The following ITGA1 variants were observed in gnomAD, a reference collection of about 807,000 sequenced individuals.
ITGA1 encodes integrin subunit alpha 1, also known as integrin alpha-1.
A neutral mutation model predicts 145.9 loss-of-function variants in ITGA1; 85 were observed. That is an observed-to-expected ratio of 0.58 (90% CI 0.49 to 0.70). The LOEUF (loss-of-function observed/expected upper bound fraction) is 0.70. ITGA1 is among the 30% of genes least tolerant of loss of function. The pLI, the probability that ITGA1 is intolerant of heterozygous loss-of-function variation, is 0.00. For missense variants in ITGA1, 1,351 were observed against 1,418.7 expected (o/e 0.95, Z 0.77); for synonymous variants, 520 against 495.3 (o/e 1.05, Z -0.66).
chr5:52,866,028 T>TTTTTCG (rs1749682090), intron 6 of ITGA1, among the ~76,000 whole-genome samples: 1 of 127,352 alleles, frequency 7.9e-6, no homozygotes, highest in African/African-American at 3.1e-5. Context: ...TTTCTTTTTC[T>TTTTTCG]TTTTTAGACA....
In ITGA1 at chr5:52,945,005, G is replaced by A; in HGVS notation, c.3348G>A (p.Leu1116=). The A allele has an allele frequency of 6.2e-7, 1 of 1,613,098 alleles. No individual in the cohort carries two copies. The highest frequency in any genetic ancestry group is 8.5e-7 in the Non-Finnish European group (1 of 1,179,550). The change falls in exon 27 of 29, where the codon CTG becomes CTA. Residue 1116 remains leucine, a synonymous_variant. Coordinates refer to ENST00000282588, the MANE Select transcript of ITGA1 (RefSeq NM_181501.2). ...RGELRSENAS[L]VLSSSNQKRE... is the part of the protein sequence containing the mutation. ...AACTTCGGAGTGAAAATGCATCTCT[G>A]GTTTTAAGTAGCAGCAATCAAAAAA...
Position 52,925,494 on chromosome 5 carries a change from T to A in ITGA1, c.2613+7T>A, listed in dbSNP as rs1750792126. The stretch of plus-strand genomic sequence containing the variant: ...AGTTTTTTCAGGAATTGAGGTAAAC[T>A]TCCAGTTTTTCATTTATTTGTTCTC... On this transcript the variant is annotated splice_region_variant and intron_variant, in intron 19 of 28. Transcript: ENST00000282588. 6.3e-7 allele frequency: 1 copy of A among 1,591,280 alleles called. No individual in the cohort carries two copies. Among genetic ancestry groups the A allele is most frequent in the South Asian group, 1.1e-5 (1 of 90,492 alleles).
In ITGA1 at chr5:52,939,613, C is replaced by G. The variant is rs780383868; in HGVS notation, c.3102C>G (p.Ile1034Met). 1.2e-6 allele frequency: 2 copies of G among 1,612,300 alleles called. No homozygotes were observed. The highest frequency in any genetic ancestry group is 1.7e-6 in the Non-Finnish European group (2 of 1,178,470). Residue 1034 changes from isoleucine (I) to methionine (M), a missense_variant, in exon 25 of 29, where the codon ATC becomes ATG. Coordinates refer to ENST00000282588, the MANE Select transcript of ITGA1 (RefSeq NM_181501.2). The part of the protein sequence containing the change: ...SSENANCRPH[I>M]FEDPFSINSG... The stretch of plus-strand genomic sequence containing the variant: ...AGAATGCAAACTGCAGACCCCATAT[C>G]TTTGAGGATCCTTTCAGTATCAACT...
At chr5:52,798,506 C>T (rs184868863) in intron 1 of ITGA1, among the ~76,000 whole-genome samples, 126 of 152,126 alleles carry the variant, frequency 8.3e-4, no homozygotes, top group Non-Finnish European at 1.2e-3. Flanking sequence ...AAATTAAGGA[C>T]GTGCGCGGGG....
intron 2 of ITGA1, among the ~76,000 whole-genome samples, chr5:52,851,526 C>G (rs1749431910): frequency 6.6e-6 from 1 of 152,096 alleles, no homozygotes; most frequent in South Asian, 2.1e-4. Context: ...GTTATTCTAT[C>G]TTTGTAGAAA....
chr5:52,849,153 A>G (rs1749386551), intron 1 of ITGA1, among the ~76,000 whole-genome samples: 1 of 152,180 alleles, frequency 6.6e-6, no homozygotes, highest in African/African-American at 2.4e-5. Flanking sequence ...GAATCGCCAC[A>G]CTGTCTTCCA....
intron 27 of ITGA1, among the ~76,000 whole-genome samples, 181 bp from the exon 28 acceptor site, chr5:52,947,164 T>C (rs375091193): frequency 2.6e-5 from 4 of 151,942 alleles, no homozygotes; most frequent in African/African-American, 9.6e-5. Context: ...TAATAATAAA[T>C]TTGACATAGT....
Position 52,915,291 on chromosome 5 carries a change from C to T in ITGA1, c.1858-173C>T, listed in dbSNP as rs557626433. Among the ~76,000 whole-genome samples, 6 of 152,304 alleles carry T rather than the reference C, an allele frequency of 3.9e-5. No individual in the cohort carries two copies. In the South Asian group the frequency reaches 1.0e-3, roughly 26 times the overall value. ...GTCTGTACTATAAAAACAGCAATAT[C>T]CTCTGGGAACATCTGAGTATTTCCT... On this transcript the variant is annotated intron_variant, in intron 14 of 28. Coordinates refer to ENST00000282588, the MANE Select transcript of ITGA1 (RefSeq NM_181501.2).
intron 18 of ITGA1, among the ~76,000 whole-genome samples, chr5:52,924,058 G>T (rs1750767920): frequency 6.6e-6 from 1 of 152,206 alleles, no homozygotes; most frequent in South Asian, 2.1e-4. Flanking sequence ...GGAGTGAGGG[G>T]AGAGAAGAGG....
intron 1 of ITGA1, among the ~76,000 whole-genome samples, chr5:52,818,368 C>G (rs560976872): frequency 6.6e-6 from 1 of 152,104 alleles, no homozygotes; most frequent in Non-Finnish European, 1.5e-5. Context: ...TACTGTTTTT[C>G]TGTGATAGAC....
At chr5:52,803,520 G>A (rs1748530188) in intron 1 of ITGA1, 1 of 152,128 alleles carries the variant, frequency 6.6e-6, no homozygotes, top group African/African-American at 2.4e-5. Flanking sequence ...ACCAATACAT[G>A]TTAGGCCATA....
chr5:52,842,780 G>T (rs1382071763), intron 1 of ITGA1, among the ~76,000 whole-genome samples: 1 of 151,348 alleles, frequency 6.6e-6, no homozygotes, highest in African/African-American at 2.4e-5. Flanking sequence ...CTGCCTCCCA[G>T]GTTCAAGCAA....
chr5:52,849,978 T>C (rs936665682), intron 2 of ITGA1, among the ~76,000 whole-genome samples: 2 of 151,608 alleles, frequency 1.3e-5, no homozygotes, highest in African/African-American at 4.9e-5. Context: ...CCCTTTAATA[T>C]TGGTTAAGTT....
chr5:52,893,688 A>G lies in ITGA1; in HGVS notation c.938A>G (p.Tyr313Cys), dbSNP rs778493747. 5 of 1,612,346 alleles carry G rather than the reference A, an allele frequency of 3.1e-6. No homozygotes were observed. Among genetic ancestry groups the G allele is most frequent in the Non-Finnish European group, 4.2e-6 (5 of 1,178,898 alleles). The stretch of plus-strand genomic sequence containing the variant: ...GTTGTGTCTTAGATTCTTGGCAGCT[A>G]TAACCGAGGAAATTTAAGCACTGAA... ...QRFSIAILGS[Y>C]NRGNLSTEKF... Residue 313 changes from tyrosine to cysteine, a missense_variant, in exon 9 of 29, where the codon TAT becomes TGT. Coordinates refer to ENST00000282588, the MANE Select transcript of ITGA1 (RefSeq NM_181501.2).
rs115465721 is a variant in ITGA1 at position 52,853,043 on chromosome 5, T to C, written c.182+3558T>C. ...TATCTTTGTGGTAGGTACCAGACTT[T>C]ACATATTAATATGTGTGTAAGTTTG... On this transcript the variant is annotated intron_variant, in intron 2 of 28. Coordinates refer to ENST00000282588, the MANE Select transcript of ITGA1 (RefSeq NM_181501.2). Among the ~76,000 whole-genome samples, 721 of 152,294 alleles carry C rather than the reference T, an allele frequency of 4.7e-3. 7 individuals carry two copies. Among genetic ancestry groups the C allele is most frequent in the African/African-American group, 0.017 (699 of 41,546 alleles).
At chr5:52,845,582 A>G (rs993325427) in intron 1 of ITGA1, among the ~76,000 whole-genome samples, 17 of 152,136 alleles carry the variant, frequency 1.1e-4, no homozygotes, top group African/African-American at 3.9e-4. Context: ...TCTTGTCTTC[A>G]TCTGTTCAAG....
intron 1 of ITGA1, chr5:52,800,050 G>T (rs1256655510): frequency 6.3e-6 from 2 of 317,200 alleles, no homozygotes; most frequent in South Asian, 3.3e-5. Flanking sequence ...TTTGGGGACG[G>T]GAGACGTGCG....
At chr5:52,881,760 T>G in intron 6 of ITGA1, 113 bp from the exon 7 acceptor site, 1 of 875,588 alleles carries the variant, frequency 1.1e-6, no homozygotes, top group South Asian at 2.3e-5. Context: ...TGTGTACTGA[T>G]AGGTTTGCAA....
intron 1 of ITGA1, among the ~76,000 whole-genome samples, chr5:52,834,626 A>G (rs999611745): frequency 2.0e-5 from 3 of 150,886 alleles, no homozygotes; most frequent in Admixed American, 2.0e-4. Context: ...AAAGAAAGGG[A>G]GAGAAAGAAA....
Sources: allele counts gnomAD v4.1 joint callset (sites outside exome capture counted in the v4.1 genomes callset), GRCh38; gene constraint gnomAD v4.1.1; transcripts MANE v1.5; gene names NCBI Gene and HGNC (gene_info 2026-07-23, HGNC 2026-07-21).